The following RCAN1 variants were observed in gnomAD, a reference collection of about 807,000 sequenced individuals.
RCAN1 encodes the protein calcipressin-1.
Under a neutral mutation model 22.9 loss-of-function variants are expected in RCAN1, and 11 were observed. That is an observed-to-expected ratio of 0.48 (90% CI 0.30 to 0.79). The LOEUF is 0.79. Ranked by LOEUF, RCAN1 falls within the 30% of genes least tolerant of loss-of-function variation. The probability of loss-of-function intolerance (pLI) is 0.06; values close to 1 mark genes in which losing one functional copy is unlikely to be tolerated. For synonymous variants in RCAN1, 136 were observed against 142.3 expected (o/e 0.96, Z 0.32); for missense variants, 291 against 337.8 (o/e 0.86, Z 1.09).
chr21:34,555,735 T>C lies in RCAN1; in HGVS notation c.253-32025A>G, dbSNP rs946363716. ...TATCTTCCATGCTTTTGTATACACTTGACAACCTCCATAATAAAAAGGTAT... is the reference window on the plus strand; with the variant it reads ...TATCTTCCATGCTTTTGTATACACTCGACAACCTCCATAATAAAAAGGTAT... On this transcript the variant is annotated intron_variant, in intron 1 of 3. Transcript: ENST00000313806. Among the ~76,000 whole-genome samples, 5 of 151,690 alleles carry C rather than the reference T, an allele frequency of 3.3e-5. 1 individual carries two copies. The highest frequency in any genetic ancestry group is 1.2e-4 in the African/African-American group (5 of 41,266).
intron 1 of RCAN1, among the ~76,000 whole-genome samples, chr21:34,570,425 A>G (rs989808725): frequency 6.6e-6 from 1 of 152,200 alleles, no homozygotes; most frequent in Non-Finnish European, 1.5e-5. Flanking sequence ...TATGGAAAAA[A>G]CATCCTAAGA....
intron 1 of RCAN1, among the ~76,000 whole-genome samples, chr21:34,568,921 T>C (rs1255135528): frequency 1.3e-5 from 2 of 152,276 alleles, no homozygotes; most frequent in South Asian, 2.1e-4. Flanking sequence ...AGAATCATGG[T>C]GAGAGACAAA....
At chr21:34,613,769 T>C (rs1988741637) in intron 1 of RCAN1, 2 of 1,489,478 alleles carry the variant, frequency 1.3e-6, no homozygotes, top group East Asian at 5.1e-5. Flanking sequence ...ATATAAATTA[T>C]AAATAAATGA....
chr21:34,575,944 T>C (rs1601191372), intron 1 of RCAN1, among the ~76,000 whole-genome samples: 2 of 152,264 alleles, frequency 1.3e-5, no homozygotes, highest in South Asian at 2.1e-4. Context: ...CCAACTTAGG[T>C]CTGTCTAGCA....
At chr21:34,553,829 A>G (rs1416915097) in intron 1 of RCAN1, among the ~76,000 whole-genome samples, 21 of 152,206 alleles carry the variant, frequency 1.4e-4, no homozygotes, top group Admixed American at 1.4e-3. Flanking sequence ...AAATCTTTTC[A>G]GACCAAAGAG....
At chr21:34,542,732 T>C (rs1411912755) in intron 1 of RCAN1, among the ~76,000 whole-genome samples, 1 of 152,184 alleles carries the variant, frequency 6.6e-6, no homozygotes, top group Non-Finnish European at 1.5e-5. Context: ...TGGCAAGGAT[T>C]GTAACTCATT....
At chr21:34,572,941 T>A (rs1987282855) in intron 1 of RCAN1, among the ~76,000 whole-genome samples, 1 of 152,018 alleles carries the variant, frequency 6.6e-6, no homozygotes, top group Non-Finnish European at 1.5e-5. Flanking sequence ...AAGGGGGGAA[T>A]CTACCCCCAT....
At chr21:34,535,468 G>C (rs927528426) in intron 1 of RCAN1, among the ~76,000 whole-genome samples, 2 of 151,230 alleles carry the variant, frequency 1.3e-5, no homozygotes, top group Non-Finnish European at 2.9e-5. Flanking sequence ...GGGAGGTGCT[G>C]GTTCTGCAAC....
In RCAN1 at chr21:34,614,931, C is replaced by T. The variant is rs1018546479; in HGVS notation, c.81G>A (p.Gly27=). The change falls in exon 1 of 4, where the codon GGG becomes GGA. Residue 27 remains glycine (G), a synonymous_variant. Transcript: ENST00000313806. The surrounding 1 kb of genome is among the most constrained non-coding windows in gnomAD (Gnocchi z 6.0). The part of the protein sequence containing the change: ...AEAAEARARP[G]VTLRPFAPLS... ...GGGGCGCGAAGGGCCGCAGCGTCACCCCGGGCCGCGCTCGCGCCTCGGCCG... is the reference window on the plus strand; with the variant it reads ...GGGGCGCGAAGGGCCGCAGCGTCACTCCGGGCCGCGCTCGCGCCTCGGCCG... 1.5e-5 allele frequency: 20 copies of T among 1,311,336 alleles called. No homozygotes were observed. The highest frequency in any genetic ancestry group is 3.2e-5 in the Admixed American group (1 of 31,062). 81.2% of individuals were successfully genotyped at this position (1,311,336 alleles called of 1,614,324 possible).
intron 3 of RCAN1, among the ~76,000 whole-genome samples, chr21:34,519,767 C>T (rs1361273770): frequency 1.3e-5 from 2 of 152,090 alleles, no homozygotes; most frequent in Admixed American, 1.3e-4. Flanking sequence ...GATTTCCGCC[C>T]GACAAGAGCG....
chr21:34,541,740 C>A (rs1453320683), intron 1 of RCAN1, among the ~76,000 whole-genome samples: 1 of 152,178 alleles, frequency 6.6e-6, no homozygotes, highest in Non-Finnish European at 1.5e-5. Context: ...AGAGACCATC[C>A]TGGCTAACAC....
chr21:34,520,092 G>A (rs561265075), intron 3 of RCAN1, among the ~76,000 whole-genome samples: 3 of 152,222 alleles, frequency 2.0e-5, no homozygotes, highest in East Asian at 1.9e-4. Context: ...CAAAATCTCC[G>A]CAATCCTGTT....
chr21:34,543,329 G>C (rs1212763409), intron 1 of RCAN1, among the ~76,000 whole-genome samples: 1 of 152,196 alleles, frequency 6.6e-6, no homozygotes, highest in Non-Finnish European at 1.5e-5. Context: ...GCAGGATATG[G>C]CAGGGCTGGA....
rs372583717 is a variant in RCAN1, at chr21:34,604,999, G to A, written c.252+9761C>T. Among the ~76,000 whole-genome samples the A allele has an allele frequency of 1.1e-3, 162 of 152,350 alleles. 2 individuals carry two copies. The highest frequency in any genetic ancestry group is 3.7e-3 in the African/African-American group (154 of 41,584). On this transcript the variant is annotated intron_variant, in intron 1 of 3. Transcript: ENST00000313806. ...CACCTGCCTGGCACGCCATCGGCAT[G>A]CATAAACATCCATTACATATATGTG...
At chr21:34,530,692 T>C (rs1184822256) in intron 1 of RCAN1, among the ~76,000 whole-genome samples, 1 of 148,864 alleles carries the variant, frequency 6.7e-6, no homozygotes, top group Non-Finnish European at 1.5e-5. Context: ...TGGCGTGATC[T>C]TGGCTCACTG....
intron 1 of RCAN1, among the ~76,000 whole-genome samples, chr21:34,563,013 TAAAC>T (rs1294201191): frequency 1.3e-5 from 2 of 152,198 alleles, no homozygotes; most frequent in Admixed American, 1.3e-4. Context: ...GACTCTTCCA[TAAAC>T]AAACCTTTTA....
intron 1 of RCAN1, chr21:34,525,619 G>C (rs542996814): frequency 1.2e-4 from 44 of 368,500 alleles, no homozygotes; most frequent in Admixed American, 2.7e-4. Flanking sequence ...CTTAGGACCA[G>C]AACAAAAGAG....
chr21:34,589,460 G>A (rs1409637013), intron 1 of RCAN1, among the ~76,000 whole-genome samples: 1 of 152,208 alleles, frequency 6.6e-6, no homozygotes, highest in Non-Finnish European at 1.5e-5. Flanking sequence ...CCTGGAAAAG[G>A]ACATGATCGT....
At position 34,574,823 on chromosome 21, in the gene RCAN1, A is replaced by T. The variant is rs552623563; in HGVS notation, c.252+39937T>A. 7.2e-5 allele frequency among the ~76,000 whole-genome samples: 11 copies of T among 152,356 alleles called. No individual in the cohort carries two copies. The South Asian group carries it at 2.3e-3, about 32-fold the overall frequency. Reference sequence around the variant, plus strand: ...CCCGCGTCAGAAGCTAGACCTACTCAGAAGGAACGTAATCCTCACCAGCTG... The same window carrying T: ...CCCGCGTCAGAAGCTAGACCTACTCTGAAGGAACGTAATCCTCACCAGCTG... On this transcript the variant is annotated intron_variant, in intron 1 of 3. Transcript: ENST00000313806.
Sources: gnomAD v4.1 joint callset for allele counts (sites outside exome capture counted in the v4.1 genomes callset) on GRCh38, gnomAD v4.1.1 for gene constraint, Gnocchi (gnomAD v3.1) non-coding constraint, MANE v1.5 for transcripts, NCBI Gene and HGNC (gene_info 2026-07-23, HGNC 2026-07-21) for gene names.